TNS3: variants seen among roughly 807,000 people sequenced by gnomAD.
The protein encoded by TNS3 is tensin-3.
A neutral mutation model predicts 140.9 loss-of-function variants in TNS3; 45 were observed. The observed-to-expected ratio is 0.32, with a 90% CI of 0.25 to 0.41. The LOEUF (loss-of-function observed/expected upper bound fraction) is 0.41. TNS3 is among the 10% of genes least tolerant of loss of function. The probability of loss-of-function intolerance (pLI) is 1.00; values close to 1 mark genes in which losing one functional copy is unlikely to be tolerated. For synonymous variants in TNS3, 815 were observed against 788.4 expected, an observed-to-expected ratio of 1.03 and a Z score of -0.56; for missense variants, 1,716 against 1,906.7, an observed-to-expected ratio of 0.90 and a Z score of 1.86.
chr7:47,461,545 C>A (rs527992852), intron 4 of TNS3, among the ~76,000 whole-genome samples: 48 of 152,294 alleles, frequency 3.2e-4, no homozygotes, highest in African/African-American at 1.1e-3. Flanking sequence ...CACCCCTGTC[C>A]AGGAACATCA....
At chr7:47,574,401 C>T (rs978408222) in intron 1 of TNS3, among the ~76,000 whole-genome samples, 1 of 152,050 alleles carries the variant, frequency 6.6e-6, no homozygotes, top group Non-Finnish European at 1.5e-5. Context: ...TGTTTAAGGA[C>T]AGCGGGTGGA....
At chr7:47,347,520 T>TG (rs1015342042) in intron 17 of TNS3, among the ~76,000 whole-genome samples, 2 of 151,836 alleles carry the variant, frequency 1.3e-5, no homozygotes, top group East Asian at 1.9e-4. Context: ...GTCTGCAGCA[T>TG]GGGGGGGCTC....
intron 1 of TNS3, among the ~76,000 whole-genome samples, chr7:47,548,035 G>A (rs752135742): frequency 3.9e-5 from 6 of 152,124 alleles, no homozygotes; most frequent in South Asian, 2.1e-4. Flanking sequence ...CAAGTAGCTC[G>A]GACTACAGGC....
At chr7:47,338,137 G>A (rs1261996584) in intron 20 of TNS3, among the ~76,000 whole-genome samples, 1 of 152,168 alleles carries the variant, frequency 6.6e-6, no homozygotes, top group Non-Finnish European at 1.5e-5. Context: ...ACAGTTTGGG[G>A]CTATTAAAGT....
rs1326880210 is a variant in TNS3 at position 47,567,648 on chromosome 7, C to T, written c.-265+14403G>A. Among the ~76,000 whole-genome samples the T allele has an allele frequency of 4.2e-5, 6 of 143,106 alleles. No individual in the cohort carries two copies. The East Asian group carries it at 1.2e-3, about 29-fold the overall frequency. 93.9% of individuals were successfully genotyped at this position (143,106 alleles called of 152,430 possible). On this transcript the variant is annotated intron_variant, in intron 1 of 30. Transcript: ENST00000311160. ...CCAGTGAGCAGAGATCATGCCACTG[C>T]ACTCCAGCCTGGGCAACAGAGCGAG...
In TNS3 at chr7:47,344,793, G is replaced by C. The variant is rs200983355; in HGVS notation, c.2612C>G (p.Pro871Arg). The change falls in exon 20 of 31, where the codon CCG (proline) becomes CGG (arginine). Residue 871 changes from proline to arginine, a missense_variant. Pro to Arg is a moderately radical substitution (Grantham distance 103). Coordinates refer to ENST00000311160, the MANE Select transcript of TNS3 (RefSeq NM_022748.12). ...RHPPFSPPEP[P>R]LSSPASQHKG... The stretch of plus-strand genomic sequence containing the variant: ...GTGCTGACTGGCTGGGCTGCTCAGC[G>C]GGGGCTCAGGTGGGCTGAACGGAGG... 3 of 1,613,208 alleles carry C rather than the reference G, an allele frequency of 1.9e-6. No individual in the cohort carries two copies. Among genetic ancestry groups the C allele is most frequent in the East Asian group, 2.2e-5 (1 of 44,888 alleles).
At chr7:47,403,594 T>A (rs182301030) in intron 13 of TNS3, among the ~76,000 whole-genome samples, 1 of 152,314 alleles carries the variant, frequency 6.6e-6, no homozygotes, top group African/African-American at 2.4e-5. Flanking sequence ...ATATTAAACC[T>A]CTTTCCTCTT....
At chr7:47,405,056 TTA>T (rs1793368918) in intron 13 of TNS3, among the ~76,000 whole-genome samples, 1 of 152,156 alleles carries the variant, frequency 6.6e-6, no homozygotes, top group Non-Finnish European at 1.5e-5. Flanking sequence ...AATCCAGTGT[TTA>T]AAGACACTGA....
intron 16 of TNS3, among the ~76,000 whole-genome samples, chr7:47,381,608 G>T (rs1584524706): frequency 6.6e-6 from 1 of 152,150 alleles, no homozygotes; most frequent in East Asian, 1.9e-4. Context: ...CCATCCAGGG[G>T]AGACAGGACA....
intron 4 of TNS3, among the ~76,000 whole-genome samples, chr7:47,467,146 T>A (rs1268346224): frequency 6.6e-6 from 1 of 152,150 alleles, no homozygotes; most frequent in East Asian, 1.9e-4. Flanking sequence ...CCCGGTGAAG[T>A]CCCTCATCTT....
chr7:47,459,812 T>C (rs1340510411), intron 4 of TNS3, among the ~76,000 whole-genome samples: 1 of 152,154 alleles, frequency 6.6e-6, no homozygotes, highest in East Asian at 1.9e-4. Flanking sequence ...TCCTCCCCAC[T>C]GGAGACTGAC....
At chr7:47,354,908 TC>T (rs1366982510) in intron 17 of TNS3, among the ~76,000 whole-genome samples, 1 of 152,082 alleles carries the variant, frequency 6.6e-6, no homozygotes, top group African/African-American at 2.4e-5. Flanking sequence ...CTTTGGGCAG[TC>T]CCCACACCAG....
intron 4 of TNS3, among the ~76,000 whole-genome samples, chr7:47,447,064 G>GC (rs147746443): frequency 1.9e-4 from 15 of 78,424 alleles, no homozygotes; most frequent in South Asian, 8.0e-4. Context: ...GGCCCCATGG[G>GC]CTCAATGAGG....
At chr7:47,458,224 G>A (rs1796338038) in intron 4 of TNS3, among the ~76,000 whole-genome samples, 1 of 152,154 alleles carries the variant, frequency 6.6e-6, no homozygotes, top group Non-Finnish European at 1.5e-5. Context: ...TGCCCAGGAT[G>A]AGTGCTCTAG....
chr7:47,567,027 T>C (rs1800444108), intron 1 of TNS3, among the ~76,000 whole-genome samples: 1 of 77,342 alleles, frequency 1.3e-5, no homozygotes, highest in Non-Finnish European at 2.3e-5. Flanking sequence ...CCGGACTCCA[T>C]CTCAAAAAAA....
At chr7:47,567,123 A>G (rs1381774901) in intron 1 of TNS3, among the ~76,000 whole-genome samples, 1 of 152,074 alleles carries the variant, frequency 6.6e-6, no homozygotes, top group African/African-American at 2.4e-5. Flanking sequence ...TTTTTTAAAA[A>G]CTGCTTATCC....
rs183450531 is a variant in TNS3 at position 47,311,094 on chromosome 7, T to A, written c.2651-6091A>T. Among the ~76,000 whole-genome samples the A allele has an allele frequency of 2.2e-3, 342 of 152,322 alleles. 1 individual carries two copies. The highest frequency in any genetic ancestry group is 7.5e-3 in the African/African-American group (311 of 41,582). On this transcript the variant is annotated intron_variant, in intron 20 of 30. Coordinates refer to ENST00000311160, the MANE Select transcript of TNS3 (RefSeq NM_022748.12). Reference sequence around the variant, plus strand: ...TTTGGGTATATACCCAGTAATGGGATCACTGGGTCAATAGTATTTCTAGTT... The same window carrying A: ...TTTGGGTATATACCCAGTAATGGGAACACTGGGTCAATAGTATTTCTAGTT...
intron 24 of TNS3, 121 bp from the exon 25 acceptor site, chr7:47,293,949 C>T (rs1785860596): frequency 4.6e-6 from 4 of 865,168 alleles, no homozygotes; most frequent in Admixed American, 2.2e-5. Flanking sequence ...AATACGAGTC[C>T]AGTCACTGCA....
At chr7:47,536,127 CA>C (rs1320430599) in intron 1 of TNS3, among the ~76,000 whole-genome samples, 1 of 152,274 alleles carries the variant, frequency 6.6e-6, no homozygotes, top group African/African-American at 2.4e-5. Flanking sequence ...ACATCCAACA[CA>C]TATTGTTCCC....
Sources: gnomAD v4.1 joint callset for allele counts (sites outside exome capture counted in the v4.1 genomes callset) on GRCh38, gnomAD v4.1.1 for gene constraint, MANE v1.5 for transcripts, NCBI Gene and HGNC (gene_info 2026-07-23, HGNC 2026-07-21) for gene names.